RXFP2: variants seen among roughly 807,000 people sequenced by gnomAD.
RXFP2 encodes the protein relaxin family peptide receptor 2, also known as relaxin receptor 2.
RXFP2 carries 68 observed loss-of-function variants against 88.6 expected under a neutral mutation model. The ratio of observed to expected loss-of-function variants is 0.77; its 90% CI spans 0.63 to 0.94. RXFP2 has a LOEUF of 0.94. RXFP2 is among the 40% of genes least tolerant of loss of function. RXFP2 has a pLI of 0.00. For synonymous variants in RXFP2, 329 were observed against 306.8 expected, an observed-to-expected ratio of 1.07 and a Z score of -0.76; for missense variants, 791 against 893.9, an observed-to-expected ratio of 0.88 and a Z score of 1.47.
At chr13:31,771,964 A>G (rs1872751829) in intron 5 of RXFP2, among the ~76,000 whole-genome samples, 1 of 151,330 alleles carries the variant, frequency 6.6e-6, no homozygotes, top group Non-Finnish European at 1.5e-5. Flanking sequence ...AAAAACAAAA[A>G]ACAAATTCCT....
intron 6 of RXFP2, 149 bp from the exon 7 acceptor site, chr13:31,775,169 T>C: frequency 1.4e-6 from 1 of 702,668 alleles, no homozygotes; most frequent in Non-Finnish European, 2.6e-6. Flanking sequence ...TGGATACCCC[T>C]TGAATTTGCC....
chr13:31,767,208 C>G lies in RXFP2; in HGVS notation c.497+1181C>G, dbSNP rs1872582019. Among the ~76,000 whole-genome samples the G allele has an allele frequency of 3.3e-5, 5 of 152,168 alleles. No individual in the cohort carries two copies. In the South Asian group the frequency reaches 1.0e-3, roughly 32 times the overall value. ...TTTCCTCATACAAGAAAAGAAGTAG[C>G]TAATGGAAGTCCATGACGTAGAACC... On this transcript the variant is annotated intron_variant, in intron 5 of 17. Coordinates refer to ENST00000298386, the MANE Select transcript of RXFP2 (RefSeq NM_130806.5).
chr13:31,774,055 C>T (rs1175126228), intron 5 of RXFP2, among the ~76,000 whole-genome samples: 6 of 152,208 alleles, frequency 3.9e-5, no homozygotes, highest in African/African-American at 1.2e-4. Flanking sequence ...TTAAGTCAGT[C>T]CTGATCCTAT....
chr13:31,796,753 G>A (rs1293529067), intron 16 of RXFP2, among the ~76,000 whole-genome samples: 1 of 152,184 alleles, frequency 6.6e-6, no homozygotes, highest in East Asian at 1.9e-4. Flanking sequence ...TCCTGGAAGT[G>A]CCCGTGGAAG....
At chr13:31,739,814 A>G in intron 1 of RXFP2, 108 bp downstream of exon 1, 2 of 758,994 alleles carry the variant, frequency 2.6e-6, no homozygotes, top group Non-Finnish European at 4.6e-6. Context: ...TAAAAAAAAA[A>G]CAGACATCAA....
chr13:31,752,025 T>C (rs944257905), intron 1 of RXFP2, among the ~76,000 whole-genome samples: 2 of 152,306 alleles, frequency 1.3e-5, no homozygotes, highest in African/African-American at 2.4e-5. Flanking sequence ...TTCCCTTAAA[T>C]CCCTTATAAC....
chr13:31,801,757 C>T (rs1874357297), intron 17 of RXFP2, among the ~76,000 whole-genome samples: 1 of 152,210 alleles, frequency 6.6e-6, no homozygotes, highest in Admixed American at 6.5e-5. Context: ...TCAGATCTGG[C>T]TTGGTCCAGG....
chr13:31,785,679 C>T (rs1389685194), intron 11 of RXFP2, among the ~76,000 whole-genome samples: 1 of 151,966 alleles, frequency 6.6e-6, no homozygotes, highest in Non-Finnish European at 1.5e-5. Flanking sequence ...TTGTTTGACT[C>T]TTAGTTAGGC....
chr13:31,750,669 G>T (rs1315353999), intron 1 of RXFP2, among the ~76,000 whole-genome samples: 1 of 152,170 alleles, frequency 6.6e-6, no homozygotes, highest in Non-Finnish European at 1.5e-5. Context: ...TTAACCTGGG[G>T]ACAAAGGTTG....
At chr13:31,771,845 C>T (rs372970470) in intron 5 of RXFP2, among the ~76,000 whole-genome samples, 4 of 150,962 alleles carry the variant, frequency 2.6e-5, no homozygotes, top group African/African-American at 9.7e-5. Context: ...TCTACGAAAC[C>T]GTGGGGACTG....
At chr13:31,779,883 G>A (rs1282582350) in intron 9 of RXFP2, among the ~76,000 whole-genome samples, 1 of 152,100 alleles carries the variant, frequency 6.6e-6, no homozygotes, top group Non-Finnish European at 1.5e-5. Context: ...CTGTCAAAAG[G>A]CTTCTAAAAC....
At chr13:31,758,519 G>A (rs978895767) in intron 2 of RXFP2, 115 bp downstream of exon 2, 129 of 1,274,010 alleles carry the variant, frequency 1.0e-4, no homozygotes, top group Non-Finnish European at 1.2e-5. Flanking sequence ...TGTTCTGTAG[G>A]GATTTCCTTT....
intron 17 of RXFP2, among the ~76,000 whole-genome samples, chr13:31,798,547 G>A (rs530854643): frequency 3.3e-5 from 5 of 152,322 alleles, no homozygotes; most frequent in Admixed American, 1.3e-4. Flanking sequence ...TTCACTTGAT[G>A]AACAGCCTCC....
rs143369330 is a variant in RXFP2 at position 31,780,614 on chromosome 13, C to T, written c.786-1057C>T. On this transcript the variant is annotated intron_variant, in intron 9 of 17. Transcript: ENST00000298386. ...TCAGAAGAAGAAAAATAGCTATTGCCATATTTGGGGAACACTGTAAGAAGC... is the reference window on the plus strand; with the variant it reads ...TCAGAAGAAGAAAAATAGCTATTGCTATATTTGGGGAACACTGTAAGAAGC... 3.3e-5 allele frequency among the ~76,000 whole-genome samples: 5 copies of T among 152,190 alleles called. No individual in the cohort carries two copies. In the East Asian group the frequency reaches 9.6e-4, roughly 29 times the overall value.
At chr13:31,743,606 G>T (rs923770511) in intron 1 of RXFP2, among the ~76,000 whole-genome samples, 9 of 151,394 alleles carry the variant, frequency 5.9e-5, no homozygotes, top group Admixed American at 1.3e-4. Flanking sequence ...CCACTGTTCT[G>T]ACTCGGGCCC....
chr13:31,802,650 A>G lies in RXFP2; in HGVS notation c.*245A>G, dbSNP rs778422184. The G allele has an allele frequency of 3.9e-6, 2 of 510,378 alleles. No homozygotes were observed. Among genetic ancestry groups the G allele is most frequent in the Non-Finnish European group, 7.1e-6 (2 of 280,628 alleles). 31.6% of individuals were successfully genotyped at this position (510,378 alleles called of 1,614,324 possible). The stretch of plus-strand genomic sequence containing the variant: ...CTGAAAAGCACATGTGAATTCGTGT[A>G]TAGTGGGCTGAGGTGCAGCTGATCT... On this transcript the variant is annotated 3_prime_UTR_variant, in exon 18 of 18. Coordinates refer to ENST00000298386, the MANE Select transcript of RXFP2 (RefSeq NM_130806.5).
At chr13:31,758,174 A>G (rs1239027982) in intron 1 of RXFP2, 84 bp from the exon 2 acceptor site, 3 of 1,391,390 alleles carry the variant, frequency 2.2e-6, no homozygotes, top group Middle Eastern at 1.8e-4. Context: ...CTCAACTCAT[A>G]TAGCTCTTGT....
chr13:31,775,290 C>A, intron 6 of RXFP2, 28 bp from the exon 7 acceptor site: 1 of 1,556,598 alleles, frequency 6.4e-7, no homozygotes, highest in Non-Finnish European at 8.9e-7. Context: ...TTGAGTTTGC[C>A]TAATTAACTC....
At chr13:31,766,056 T>A (rs79036107) in intron 5 of RXFP2, 29 bp downstream of exon 5, 23 of 987,898 alleles carry the variant, frequency 2.3e-5, no homozygotes, top group Non-Finnish European at 3.2e-5. Context: ...CATATTTATT[T>A]AAAAAAAATC....
Sources: allele counts gnomAD v4.1 joint callset (sites outside exome capture counted in the v4.1 genomes callset), GRCh38; gene constraint gnomAD v4.1.1; transcripts MANE v1.5; gene names NCBI Gene and HGNC (gene_info 2026-07-23, HGNC 2026-07-21).